Variants in L3MBTL4 observed in about 807,000 individuals in gnomAD.
L3MBTL4 encodes lethal(3)malignant brain tumor-like protein 4.
A neutral mutation model predicts 84.5 loss-of-function variants in L3MBTL4; 70 were observed. The observed-to-expected ratio is 0.83, with a 90% CI of 0.68 to 1.01. The LOEUF is 1.01. Ranked by LOEUF, L3MBTL4 falls within the 50% of genes least tolerant of loss-of-function variation. The pLI, the probability that L3MBTL4 is intolerant of heterozygous loss-of-function variation, is 0.00. For missense variants in L3MBTL4, 715 were observed against 754.8 expected (o/e 0.95, Z 0.62); for synonymous variants, 274 against 259.8 (o/e 1.05, Z -0.52).
At chr18:5,968,931 C>T (rs1363076199) in intron 17 of L3MBTL4, among the ~76,000 whole-genome samples, 1 of 152,094 alleles carries the variant, frequency 6.6e-6, no homozygotes, top group African/African-American at 2.4e-5. Flanking sequence ...CATGAGTGTG[C>T]CTGGATCCCA....
chr18:6,185,879 CA>C, intron 12 of L3MBTL4, among the ~76,000 whole-genome samples: 1 of 152,240 alleles, frequency 6.6e-6, no homozygotes, highest in Admixed American at 6.5e-5. Flanking sequence ...GCAAGGCAGC[CA>C]CTGCAAGGGG....
At chr18:6,089,786 T>G (rs2058380430) in intron 15 of L3MBTL4, among the ~76,000 whole-genome samples, 1 of 152,232 alleles carries the variant, frequency 6.6e-6, no homozygotes, top group Non-Finnish European at 1.5e-5. Flanking sequence ...GTGCTATTAA[T>G]AGTAGATAGT....
chr18:6,072,605 C>T (rs1248881292), intron 16 of L3MBTL4, among the ~76,000 whole-genome samples: 1 of 150,978 alleles, frequency 6.6e-6, no homozygotes, highest in South Asian at 2.1e-4. Flanking sequence ...CTCTGGGAGG[C>T]CGAGGCGGGT....
chr18:6,045,914 A>C (rs1326678656), intron 16 of L3MBTL4, among the ~76,000 whole-genome samples: 1 of 152,176 alleles, frequency 6.6e-6, no homozygotes, highest in Non-Finnish European at 1.5e-5. Flanking sequence ...AATAGTCTAA[A>C]ACTCTCCACT....
At chr18:6,376,328 G>A (rs1274437131) in intron 1 of L3MBTL4, among the ~76,000 whole-genome samples, 1 of 152,184 alleles carries the variant, frequency 6.6e-6, no homozygotes, top group East Asian at 1.9e-4. Context: ...AGCACCCCCT[G>A]ACTCGCTGTC....
intron 18 of L3MBTL4, among the ~76,000 whole-genome samples, chr18:5,957,826 A>G (rs11872475): frequency 2.0e-3 from 305 of 151,676 alleles, no homozygotes; most frequent in African/African-American, 7.1e-3. Context: ...AAAATTAGCC[A>G]GGCGTAGTGG....
rs184492625 is a variant in L3MBTL4 at position 5,970,354 on chromosome 18, C to A, written c.1445-792G>T. On this transcript the variant is annotated intron_variant, in intron 16 of 18. Transcript: ENST00000317931. ...CTGCAACCAAGGAGTGAGACTTCAA[C>A]GGGATCTCCATGCACTTCAGCCCCA... 2.4e-4 allele frequency among the ~76,000 whole-genome samples: 36 copies of A among 152,342 alleles called. No homozygotes were observed. In the South Asian group the frequency reaches 6.8e-3, roughly 29 times the overall value.
chr18:6,339,360 T>C (rs1352340703), intron 1 of L3MBTL4, among the ~76,000 whole-genome samples: 1 of 152,128 alleles, frequency 6.6e-6, no homozygotes, highest in Non-Finnish European at 1.5e-5. Flanking sequence ...CAGAAAATCC[T>C]CAACTGCTTG....
intron 10 of L3MBTL4, among the ~76,000 whole-genome samples, chr18:6,233,306 G>A (rs1737686614): frequency 6.7e-6 from 1 of 150,012 alleles, no homozygotes. Context: ...CATAGTGTTG[G>A]AAGTTCTGGC....
At chr18:6,243,548 T>C (rs2047538199) in intron 6 of L3MBTL4, 119 bp from the exon 7 acceptor site, 2 of 712,582 alleles carry the variant, frequency 2.8e-6, no homozygotes, top group Non-Finnish European at 2.1e-6. Context: ...CCAACCCTTC[T>C]ATCCAAATGT....
At chr18:6,169,125 T>C (rs1412056674) in intron 13 of L3MBTL4, among the ~76,000 whole-genome samples, 2 of 152,082 alleles carry the variant, frequency 1.3e-5, no homozygotes, top group African/African-American at 4.8e-5. Flanking sequence ...AAAACCACAA[T>C]GAGATACCAT....
intron 12 of L3MBTL4, among the ~76,000 whole-genome samples, chr18:6,208,433 T>C (rs1292503267): frequency 6.6e-5 from 10 of 152,218 alleles, no homozygotes; most frequent in Admixed American, 5.2e-4. Flanking sequence ...ATGCATTAAA[T>C]AGGAAAAGAC....
intron 16 of L3MBTL4, among the ~76,000 whole-genome samples, chr18:5,986,577 T>C (rs1428895961): frequency 6.6e-6 from 1 of 152,268 alleles, no homozygotes; most frequent in Admixed American, 6.5e-5. Flanking sequence ...AACTTTAAAA[T>C]GTGCCCTTAA....
At chr18:6,392,524 G>A (rs2055099366) in intron 1 of L3MBTL4, among the ~76,000 whole-genome samples, 4 of 152,180 alleles carry the variant, frequency 2.6e-5, no homozygotes, top group Non-Finnish European at 5.9e-5. Context: ...ACTCCAGCCT[G>A]GGCAACAGAA....
intron 14 of L3MBTL4, among the ~76,000 whole-genome samples, chr18:6,128,489 G>A (rs916857966): frequency 1.3e-5 from 2 of 152,094 alleles, no homozygotes; most frequent in Admixed American, 6.6e-5. Context: ...AGAGGGGAGG[G>A]GAGTGACATG....
chr18:6,048,834 A>G (rs1598559786), intron 16 of L3MBTL4, among the ~76,000 whole-genome samples: 3 of 152,000 alleles, frequency 2.0e-5, no homozygotes, highest in Admixed American at 2.0e-4. Flanking sequence ...TACAGTGTAT[A>G]CCTCCAGCCA....
intron 1 of L3MBTL4, among the ~76,000 whole-genome samples, chr18:6,320,486 A>C (rs1282517831): frequency 1.3e-5 from 2 of 152,098 alleles, no homozygotes; most frequent in Non-Finnish European, 2.9e-5. Context: ...AACAATGACC[A>C]AGCAGAATCA....
At chr18:6,174,844 GTGACA>G (rs1248950673) in intron 12 of L3MBTL4, among the ~76,000 whole-genome samples, 1 of 148,720 alleles carries the variant, frequency 6.7e-6, no homozygotes, top group Non-Finnish European at 1.5e-5. Context: ...CTCAGCCTGG[GTGACA>G]GAGCGAAACT....
chr18:6,090,102 C>T (rs974925677), intron 15 of L3MBTL4, among the ~76,000 whole-genome samples: 2 of 152,070 alleles, frequency 1.3e-5, no homozygotes, highest in African/African-American at 4.8e-5. Context: ...CCATTTAATG[C>T]ACCACGAATG....
Sources: gnomAD v4.1 joint callset for allele counts (sites outside exome capture counted in the v4.1 genomes callset) on GRCh38, gnomAD v4.1.1 for gene constraint, MANE v1.5 for transcripts, NCBI Gene and HGNC (gene_info 2026-07-23, HGNC 2026-07-21) for gene names.